The following CUX1 variants were observed in gnomAD, a reference collection of about 807,000 sequenced individuals.
CUX1 encodes cut like homeobox 1.
In CUX1, 31 loss-of-function variants were observed where a neutral mutation model predicts 158.8. The ratio of observed to expected loss-of-function variants is 0.20; its 90% CI spans 0.15 to 0.26. The LOEUF (loss-of-function observed/expected upper bound fraction) is 0.26, where lower values mean the gene tolerates loss of function less well. Among genes scored for constraint, CUX1 ranks in the 10% least tolerant of loss-of-function variants. The pLI is 1.00. For missense variants in CUX1, 1,589 were observed against 2,014.6 expected, an observed-to-expected ratio of 0.79 and a Z score of 4.04; for synonymous variants, 879 against 862.1, an observed-to-expected ratio of 1.02 and a Z score of -0.34.
At chr7:102,123,375 C>T (rs2529096) in intron 8 of CUX1, among the ~76,000 whole-genome samples, 13,025 of 151,782 alleles carry the variant, frequency 0.086, 738 homozygotes, top group African/African-American at 0.16. Flanking sequence ...TTTGGGAGGC[C>T]GAGGCGGGCG....
intron 3 of CUX1, among the ~76,000 whole-genome samples, chr7:102,062,503 A>G (rs1825005624): frequency 6.6e-6 from 1 of 152,136 alleles, no homozygotes; most frequent in Admixed American, 6.5e-5. Context: ...ACCTTCCTAT[A>G]GACATTTGTC....
rs1586183087 is a variant in CUX1 at position 102,201,056 on chromosome 7, T to G, written c.2063-304T>G. ...AAAAAAAAAAAAAAAAAAAAAAAAT[T>G]CTCGGGGAAAGGAGCCCCAGGAGGG... On this transcript the variant is annotated intron_variant, in intron 17 of 23. Coordinates refer to ENST00000292535, the MANE Select transcript of CUX1 (RefSeq NM_181552.4). This position sits in a 1 kb window ranked among gnomAD's most constrained non-coding sequence, Gnocchi z 5.0. Among the ~76,000 whole-genome samples the G allele has an allele frequency of 8.4e-6, 1 of 118,996 alleles. No individual in the cohort carries two copies. Among genetic ancestry groups the G allele is most frequent in the African/African-American group, 3.1e-5 (1 of 32,266 alleles). The allele number at this position is 118,996 out of a possible 152,430, so 78.1% of individuals were successfully genotyped here.
intron 3 of CUX1, among the ~76,000 whole-genome samples, chr7:102,029,356 T>G (rs1585334597): frequency 6.6e-6 from 1 of 151,924 alleles, no homozygotes; most frequent in Non-Finnish European, 1.5e-5. Context: ...ACAGGAGAGA[T>G]ATGGCCGTGA....
intron 2 of CUX1, among the ~76,000 whole-genome samples, chr7:101,987,695 C>T (rs998117839): frequency 5.3e-5 from 8 of 152,184 alleles, no homozygotes; most frequent in Non-Finnish European, 8.8e-5. Flanking sequence ...TGGCGCAGGG[C>T]ACGTGCCTGA....
chr7:102,046,513 G>C lies in CUX1; in HGVS notation c.189+18368G>C, dbSNP rs574063965. On this transcript the variant is annotated intron_variant, in intron 3 of 23. Coordinates refer to ENST00000292535, the MANE Select transcript of CUX1 (RefSeq NM_181552.4). ...CTCCCTAACTGCTGGGATTACAGGC[G>C]TAAGCCACTGTGCCCAGCCCCCATT... 2.0e-5 allele frequency among the ~76,000 whole-genome samples: 3 copies of C among 150,546 alleles called. No homozygotes were observed. In the South Asian group the frequency reaches 6.3e-4, roughly 32 times the overall value.
At chr7:102,093,533 C>A (rs1459949630) in intron 4 of CUX1, among the ~76,000 whole-genome samples, 2 of 152,120 alleles carry the variant, frequency 1.3e-5, no homozygotes, top group Non-Finnish European at 2.9e-5. Flanking sequence ...GTTTGCCTGG[C>A]GGGCTTCTTT....
At chr7:102,018,123 A>AT (rs1236810204) in intron 2 of CUX1, among the ~76,000 whole-genome samples, 2 of 151,802 alleles carry the variant, frequency 1.3e-5, no homozygotes, top group Non-Finnish European at 2.9e-5. Flanking sequence ...TGCCTGGGTA[A>AT]TTTTTTTAGA....
chr7:101,962,238 C>T lies in CUX1; in HGVS notation c.141+46013C>T, dbSNP rs531327080. 5.9e-5 allele frequency among the ~76,000 whole-genome samples: 9 copies of T among 152,262 alleles called. No homozygotes were observed. The South Asian group carries it at 1.9e-3, about 32-fold the overall frequency. On this transcript the variant is annotated intron_variant, in intron 2 of 23. Transcript: ENST00000292535. ...TATCGATTTCATCTTTTTAATATTT[C>T]CCTGCAATTCATCTTGCCTTAATCA...
In CUX1 at chr7:101,967,019, A is replaced by T. The variant is rs537781261; in HGVS notation, c.141+50794A>T. On this transcript the variant is annotated intron_variant, in intron 2 of 23. Transcript: ENST00000292535. ...GAATTTTTTTATTTTATTTTATTTT[A>T]TTTTATTTTGGTGAGATGGAGTCTC... is the stretch of plus-strand genomic sequence containing the variant. Among the ~76,000 whole-genome samples, 1,060 of 150,702 alleles carry T rather than the reference A, an allele frequency of 7.0e-3. 9 individuals carry two copies. The highest frequency in any genetic ancestry group is 0.023 in the African/African-American group (922 of 40,970).
chr7:101,955,831 C>T (rs911176186), intron 2 of CUX1, among the ~76,000 whole-genome samples: 1 of 152,060 alleles, frequency 6.6e-6, no homozygotes. Flanking sequence ...GGCTAAGAGT[C>T]ACAACTTTTG....
At chr7:101,843,114 TC>T (rs752876545) in intron 1 of CUX1, among the ~76,000 whole-genome samples, 1 of 150,844 alleles carries the variant, frequency 6.6e-6, no homozygotes, top group Non-Finnish European at 1.5e-5. Flanking sequence ...GATCCGCCCA[TC>T]TCAGCCTCCC....
At chr7:102,206,884 G>A (rs1470392559) in intron 20 of CUX1, among the ~76,000 whole-genome samples, 1 of 152,170 alleles carries the variant, frequency 6.6e-6, no homozygotes, top group African/African-American at 2.4e-5. Context: ...GGGCAACAGA[G>A]CGAGACTCCA....
At chr7:102,220,704 G>C (rs1554526626) in intron 20 of CUX1, among the ~76,000 whole-genome samples, 1 of 152,158 alleles carries the variant, frequency 6.6e-6, no homozygotes, top group Non-Finnish European at 1.5e-5. Flanking sequence ...TCTTGCACCA[G>C]TCCCCGCCAC....
At chr7:102,040,346 G>A (rs1036558147) in intron 3 of CUX1, among the ~76,000 whole-genome samples, 11 of 152,160 alleles carry the variant, frequency 7.2e-5, no homozygotes, top group Admixed American at 2.0e-4. Flanking sequence ...AGAGCAGCAG[G>A]AAGATGGGGG....
intron 20 of CUX1, among the ~76,000 whole-genome samples, chr7:102,219,674 CTT>C (rs1797622282): frequency 1.3e-5 from 2 of 152,192 alleles, no homozygotes; most frequent in African/African-American, 2.4e-5. Context: ...TGTTGGGCTA[CTT>C]TTGTTTCTTT....
chr7:101,887,847 T>C (rs1248289617), intron 1 of CUX1, among the ~76,000 whole-genome samples: 7 of 46,716 alleles, frequency 1.5e-4, no homozygotes, highest in Non-Finnish European at 2.7e-4. Context: ...GGTGACATTT[T>C]TTTTTTTTTT....
At chr7:102,142,995 T>C (rs1434632527) in intron 8 of CUX1, among the ~76,000 whole-genome samples, 1 of 152,140 alleles carries the variant, frequency 6.6e-6, no homozygotes, top group Non-Finnish European at 1.5e-5. Context: ...TCCTGCCAGG[T>C]TGTTGTCTAC....
chr7:102,183,050 A>G (rs1291026701), intron 11 of CUX1, among the ~76,000 whole-genome samples: 1 of 152,036 alleles, frequency 6.6e-6, no homozygotes, highest in Non-Finnish European at 1.5e-5. Context: ...TGGAGACACT[A>G]TGGGATGATG....
chr7:102,248,693 AC>A lies in CUX1; in HGVS notation c.4171del (p.His1391ThrfsTer94). ...TPGPDDARDD[D>X]HEGGPVEGPG... ...GGCCCGGACGACGCCCGCGACGACGACCACGAGGGAGGCCCCGTGGAAGGCC... is the reference window on the plus strand; with the variant it reads ...GGCCCGGACGACGCCCGCGACGACGACACGAGGGAGGCCCCGTGGAAGGCC... On this transcript the variant is annotated frameshift_variant, in exon 24 of 24. Transcript: ENST00000292535. LOFTEE classifies it low-confidence loss of function (END_TRUNC). This position sits in a 1 kb window ranked among gnomAD's most constrained non-coding sequence, Gnocchi z 5.8. 1 of 1,260,532 alleles carries A rather than the reference AC, an allele frequency of 7.9e-7. No individual in the cohort carries two copies. The highest frequency in any genetic ancestry group is 1.0e-6 in the Non-Finnish European group (1 of 999,452). 78.1% of individuals were successfully genotyped at this position (1,260,532 alleles called of 1,614,324 possible).
Sources: allele counts gnomAD v4.1 joint callset (sites outside exome capture counted in the v4.1 genomes callset), GRCh38; gene constraint gnomAD v4.1.1; non-coding constraint Gnocchi (gnomAD v3.1); transcripts MANE v1.5; gene names NCBI Gene and HGNC (gene_info 2026-07-23, HGNC 2026-07-21).